The following ZBTB46 variants were observed in gnomAD, a reference collection of about 807,000 sequenced individuals.
ZBTB46 encodes zinc finger and BTB domain-containing protein 46.
Under a neutral mutation model 44.1 loss-of-function variants are expected in ZBTB46, and 8 were observed. The ratio of observed to expected loss-of-function variants is 0.18; its 90% CI spans 0.11 to 0.33. The LOEUF is 0.33. ZBTB46 is among the 10% of genes least tolerant of loss of function. The pLI, the probability that ZBTB46 is intolerant of heterozygous loss-of-function variation, is 1.00. For missense variants in ZBTB46, 651 were observed against 847.7 expected (o/e 0.77, Z 2.88); for synonymous variants, 409 against 382.3 (o/e 1.07, Z -0.81).
chr20:63,814,189 C>T (rs923170853), intron 1 of ZBTB46, among the ~76,000 whole-genome samples: 1 of 147,850 alleles, frequency 6.8e-6, no homozygotes, highest in Non-Finnish European at 1.5e-5. Flanking sequence ...GCCGAGATCA[C>T]GCCACTGCAC....
chr20:63,802,501 G>C (rs2092653870), intron 1 of ZBTB46, among the ~76,000 whole-genome samples: 1 of 152,064 alleles, frequency 6.6e-6, no homozygotes, highest in African/African-American at 2.4e-5. Context: ...TTGGACACAG[G>C]TCGGCACAAA....
rs143345817 is a variant in ZBTB46, at chr20:63,786,800, C to A, written c.937+3021G>T. On this transcript the variant is annotated intron_variant, in intron 2 of 4. Transcript: ENST00000245663. ...GCTGGAATTACAGGCGTGAGCCACC[C>A]CGCCCGGCCTCGGATAACTTTTGTA... Among the ~76,000 whole-genome samples, 74 of 152,162 alleles carry A rather than the reference C, an allele frequency of 4.9e-4. 1 individual carries two copies. In the East Asian group the frequency reaches 0.01, roughly 22 times the overall value.
intron 3 of ZBTB46, among the ~76,000 whole-genome samples, chr20:63,773,236 T>TC (rs1192267100): frequency 2.7e-5 from 4 of 150,596 alleles, no homozygotes; most frequent in African/African-American, 9.8e-5. Context: ...ATGGCTTTTT[T>TC]TTTTTTTTTT....
rs982278063 is a variant in ZBTB46 at position 63,795,780 on chromosome 20, C to T, written c.-33-4990G>A. On this transcript the variant is annotated intron_variant, in intron 1 of 4. Coordinates refer to ENST00000245663, the MANE Select transcript of ZBTB46 (RefSeq NM_001369741.1). ...AGGCTCCGCCAAACGTGGCTTCTAT[C>T]CTCCTCCTCCCTGGGTCAGCTGGAG... Among the ~76,000 whole-genome samples the T allele has an allele frequency of 2.0e-5, 3 of 152,214 alleles. No homozygotes were observed. In the East Asian group the frequency reaches 5.8e-4, roughly 29 times the overall value.
At chr20:63,773,260 A>G (rs2145852359) in intron 3 of ZBTB46, among the ~76,000 whole-genome samples, 1 of 129,350 alleles carries the variant, frequency 7.7e-6, no homozygotes, top group African/African-American at 3.1e-5. Context: ...ACAGTGTCTC[A>G]CTCTGTCACC....
intron 1 of ZBTB46, among the ~76,000 whole-genome samples, chr20:63,791,261 C>T (rs370458440): frequency 2.0e-5 from 3 of 151,978 alleles, no homozygotes; most frequent in Non-Finnish European, 2.9e-5. Context: ...TCTGGGAGGC[C>T]GAGGAGGGTG....
intron 1 of ZBTB46, among the ~76,000 whole-genome samples, chr20:63,791,224 G>A (rs980691685): frequency 3.3e-5 from 5 of 152,074 alleles, no homozygotes; most frequent in Non-Finnish European, 7.4e-5. Flanking sequence ...GGCTGGGCGC[G>A]GTGGCTCATG....
rs898449523 is a variant in ZBTB46, at chr20:63,761,257, C to T, written c.1223-8396G>A. ...CAAGTGATTGACGCACTTCAGCCTCCCAAAGTGCTGGGATTACAGGCATGA... is the reference window on the plus strand; with the variant it reads ...CAAGTGATTGACGCACTTCAGCCTCTCAAAGTGCTGGGATTACAGGCATGA... On this transcript the variant is annotated intron_variant, in intron 3 of 4. Transcript: ENST00000245663. 7.0e-4 allele frequency among the ~76,000 whole-genome samples: 96 copies of T among 137,580 alleles called. 2 individuals carry two copies. The highest frequency in any genetic ancestry group is 1.2e-3 in the Non-Finnish European group (69 of 58,822). 90.3% of individuals were successfully genotyped at this position (137,580 alleles called of 152,430 possible). A position where few individuals can be genotyped will look rare whatever the true frequency, so the allele number is the denominator to read the frequency against.
intron 3 of ZBTB46, among the ~76,000 whole-genome samples, chr20:63,774,547 G>A (rs544006348): frequency 6.6e-6 from 1 of 152,104 alleles, no homozygotes; most frequent in Non-Finnish European, 1.5e-5. Context: ...CTCCTCCCCT[G>A]GAGAGAAACG....
rs762364728 is a variant in ZBTB46, at chr20:63,746,886, G to A, written c.*44C>T. 3 of 1,477,090 alleles carry A rather than the reference G, an allele frequency of 2.0e-6. No homozygotes were observed. The highest frequency in any genetic ancestry group is 4.5e-5 in the Admixed American group (2 of 44,502). 91.5% of individuals were successfully genotyped at this position (1,477,090 alleles called of 1,614,324 possible). ...TGGAGACCCACCGGACACACACACG[G>A]GTGGACGGAGCGAGGCAGCCACCGA... On this transcript the variant is annotated 3_prime_UTR_variant, in exon 5 of 5. Coordinates refer to ENST00000245663, the MANE Select transcript of ZBTB46 (RefSeq NM_001369741.1).
At chr20:63,832,368 G>A (rs1017280212), upstream of ZBTB46, among the ~76,000 whole-genome samples, 12 of 152,080 alleles carry the variant, frequency 7.9e-5, no homozygotes, top group Non-Finnish European at 1.3e-4. This position sits in a 1 kb window ranked among gnomAD's most constrained non-coding sequence, Gnocchi z 5.0. Flanking sequence ...AGCCGCGCGA[G>A]GGAGTCGAGC....
chr20:63,814,089 C>T (rs1274663472), intron 1 of ZBTB46, among the ~76,000 whole-genome samples: 4 of 151,650 alleles, frequency 2.6e-5, no homozygotes, highest in East Asian at 3.9e-4. Flanking sequence ...AAAAATTAGC[C>T]GGGCATGGCA....
intron 3 of ZBTB46, among the ~76,000 whole-genome samples, chr20:63,763,618 T>A (rs1477211891): frequency 1.3e-5 from 2 of 152,150 alleles, no homozygotes; most frequent in African/African-American, 2.4e-5. Context: ...GGGAGCTAAA[T>A]CATCCATGGA....
rs71197435 is a variant in ZBTB46 at position 63,798,674 on chromosome 20, C to CAAAAA, written c.-33-7889_-33-7885dup. Among the ~76,000 whole-genome samples the CAAAAA allele has an allele frequency of 2.0e-3, 38 of 18,746 alleles. 9 individuals are homozygous for CAAAAA. The highest frequency in any genetic ancestry group is 7.3e-3 in the South Asian group (2 of 274). The allele number at this position is 18,746 out of a possible 152,430, so 12.3% of individuals were successfully genotyped here. ...TGGCCAACAGAGCTAGACTCTGTCT[C>CAAAAA]AAAAAAAAAAAAAAAAAAATTAGCT... On this transcript the variant is annotated intron_variant, in intron 1 of 4. Coordinates refer to ENST00000245663, the MANE Select transcript of ZBTB46 (RefSeq NM_001369741.1).
At chr20:63,768,066 C>T in intron 3 of ZBTB46, 1 of 985,480 alleles carries the variant, frequency 1.0e-6, no homozygotes, top group Non-Finnish European at 1.2e-6. Flanking sequence ...CTGCTGCCCT[C>T]ACTCACCTGG....
chr20:63,751,621 C>T (rs538762658), intron 4 of ZBTB46, among the ~76,000 whole-genome samples: 33 of 151,714 alleles, frequency 2.2e-4, no homozygotes, highest in Non-Finnish European at 4.0e-4. Flanking sequence ...GTTCCGCCCC[C>T]CAGTGGGTCT....
intron 2 of ZBTB46, among the ~76,000 whole-genome samples, chr20:63,780,499 A>G (rs1242101306): frequency 1.3e-5 from 2 of 151,594 alleles, no homozygotes; most frequent in East Asian, 3.9e-4. Flanking sequence ...CTCAAGAAAA[A>G]CCATAGGAGA....
intron 2 of ZBTB46, among the ~76,000 whole-genome samples, chr20:63,789,609 A>C (rs975058131): frequency 1.2e-4 from 18 of 152,350 alleles, no homozygotes; most frequent in African/African-American, 3.8e-4. Flanking sequence ...GGGGACAGAT[A>C]CACAGGGTCT....
chr20:63,774,925 G>C (rs933246285), intron 3 of ZBTB46, among the ~76,000 whole-genome samples: 4 of 151,934 alleles, frequency 2.6e-5, no homozygotes, highest in Admixed American at 6.6e-5. Context: ...AGATGGTCTC[G>C]ATCTCCTGAC....
Sources: allele counts gnomAD v4.1 joint callset (sites outside exome capture counted in the v4.1 genomes callset), GRCh38; gene constraint gnomAD v4.1.1; non-coding constraint Gnocchi (gnomAD v3.1); transcripts MANE v1.5; gene names NCBI Gene and HGNC (gene_info 2026-07-23, HGNC 2026-07-21).